Variants in ADAMTSL3 observed in about 807,000 individuals in gnomAD.
ADAMTSL3 encodes ADAMTS like 3, also known as ADAMTS-like protein 3.
In ADAMTSL3, 128 loss-of-function variants were observed where a neutral mutation model predicts 201.7. The ratio of observed to expected loss-of-function variants is 0.63; its 90% CI spans 0.55 to 0.73. The LOEUF is 0.73. ADAMTSL3 is among the 30% of genes least tolerant of loss of function. The probability of loss-of-function intolerance (pLI) is 0.00; values close to 1 mark genes in which losing one functional copy is unlikely to be tolerated. For missense variants in ADAMTSL3, 1,990 were observed against 2,119.6 expected (o/e 0.94, Z 1.20); for synonymous variants, 738 against 748.4 (o/e 0.99, Z 0.23).
In ADAMTSL3 at chr15:83,943,008, C is replaced by T; in HGVS notation, c.2416C>T (p.Pro806Ser). The part of the protein sequence containing the change: ...LNLSDELCQG[P>S]KASSHKSCAR... ...TCTCTCAGATGAATTGTGCCAAGGA[C>T]CCAAGGCATCGTCTCACAAGTCCTG... Residue 806 changes from proline to serine, a missense_variant, in exon 19 of 30, where the codon CCC becomes TCC. By Grantham distance (74) the Pro-to-Ser change is moderately conservative. Transcript: ENST00000286744. The T allele has an allele frequency of 6.2e-7, 1 of 1,614,088 alleles. No individual in the cohort carries two copies. Among genetic ancestry groups the T allele is most frequent in the African/African-American group, 1.3e-5 (1 of 75,044 alleles).
intron 15 of ADAMTSL3, among the ~76,000 whole-genome samples, chr15:83,912,634 C>A (rs1321830700): frequency 6.6e-6 from 1 of 152,084 alleles, no homozygotes; most frequent in Non-Finnish European, 1.5e-5. Context: ...ATTTAAGATA[C>A]CCTAAAATTT....
chr15:83,726,180 T>A (rs2062172385), intron 3 of ADAMTSL3, among the ~76,000 whole-genome samples: 1 of 152,128 alleles, frequency 6.6e-6, no homozygotes, highest in South Asian at 2.1e-4. Flanking sequence ...ACCGCTTTCT[T>A]GATTTCTTTT....
intron 15 of ADAMTSL3, among the ~76,000 whole-genome samples, chr15:83,911,935 T>G (rs1481357412): frequency 3.3e-5 from 5 of 152,236 alleles, no homozygotes; most frequent in Non-Finnish European, 7.3e-5. Flanking sequence ...ATGCACGTAA[T>G]ATTTCTCTCT....
At chr15:83,785,244 G>T (rs1334495674) in intron 4 of ADAMTSL3, among the ~76,000 whole-genome samples, 1 of 152,138 alleles carries the variant, frequency 6.6e-6, no homozygotes. Context: ...CCTGTCCATG[G>T]ACCACACTTC....
chr15:83,675,529 A>G (rs1240295859), intron 2 of ADAMTSL3, among the ~76,000 whole-genome samples: 1 of 150,098 alleles, frequency 6.7e-6, no homozygotes, highest in African/African-American at 2.4e-5. Flanking sequence ...CTATTTACTA[A>G]TATTTTGTTG....
chr15:83,975,034 C>T (rs572715048), intron 20 of ADAMTSL3, among the ~76,000 whole-genome samples: 5 of 133,182 alleles, frequency 3.8e-5, no homozygotes, highest in African/African-American at 8.6e-5. Flanking sequence ...GACGGAGTCT[C>T]GCTCTCGCCT....
At chr15:84,018,053 C>A (rs2068119844) in intron 25 of ADAMTSL3, among the ~76,000 whole-genome samples, 2 of 152,156 alleles carry the variant, frequency 1.3e-5, no homozygotes, top group Admixed American at 6.5e-5. Flanking sequence ...TTGCATGTGG[C>A]ATGGAACATG....
chr15:83,813,831 T>C (rs1412847089), intron 5 of ADAMTSL3, among the ~76,000 whole-genome samples: 1 of 152,176 alleles, frequency 6.6e-6, no homozygotes, highest in Non-Finnish European at 1.5e-5. Flanking sequence ...GAATTATCCT[T>C]ATCAGGGGTA....
intron 16 of ADAMTSL3, among the ~76,000 whole-genome samples, chr15:83,920,677 A>G (rs139387930): frequency 6.6e-6 from 1 of 152,348 alleles, no homozygotes; most frequent in East Asian, 1.9e-4. Context: ...TATATAATAT[A>G]GCATTATACG....
intron 3 of ADAMTSL3, among the ~76,000 whole-genome samples, chr15:83,741,951 G>A (rs1246921821): frequency 6.6e-6 from 1 of 152,090 alleles, no homozygotes; most frequent in African/African-American, 2.4e-5. Context: ...GACAGGGTGA[G>A]ACCCTGTCTC....
At chr15:83,663,612 C>A (rs573061582) in intron 2 of ADAMTSL3, among the ~76,000 whole-genome samples, 1 of 152,326 alleles carries the variant, frequency 6.6e-6, no homozygotes, top group Admixed American at 6.5e-5. Context: ...CACCCTGTTT[C>A]AGTTCTGTGT....
intron 8 of ADAMTSL3, among the ~76,000 whole-genome samples, chr15:83,868,964 C>G (rs1417141695): frequency 2.0e-5 from 3 of 152,164 alleles, no homozygotes; most frequent in African/African-American, 7.2e-5. Flanking sequence ...CAGATTTTTA[C>G]ACCCCTTGCC....
intron 15 of ADAMTSL3, among the ~76,000 whole-genome samples, chr15:83,903,981 A>G (rs190984486): frequency 1.1e-4 from 16 of 142,148 alleles, no homozygotes; most frequent in African/African-American, 4.3e-4. Flanking sequence ...AAGGAGCTAC[A>G]GTGAGGTTCA....
intron 23 of ADAMTSL3, among the ~76,000 whole-genome samples, chr15:84,001,151 A>G (rs565404502): frequency 2.2e-4 from 33 of 152,216 alleles, no homozygotes; most frequent in Non-Finnish European, 4.7e-4. Flanking sequence ...CGTTACATGT[A>G]TCTGATTTAT....
At chr15:84,007,956 G>A (rs182789944) in intron 23 of ADAMTSL3, among the ~76,000 whole-genome samples, 1 of 152,280 alleles carries the variant, frequency 6.6e-6, no homozygotes, top group Non-Finnish European at 1.5e-5. Context: ...TGCCTCAAGA[G>A]TAGTTTATAC....
At chr15:83,934,340 C>T (rs1051712452) in intron 17 of ADAMTSL3, among the ~76,000 whole-genome samples, 3 of 152,324 alleles carry the variant, frequency 2.0e-5, no homozygotes, top group African/African-American at 4.8e-5. Flanking sequence ...TGCATGGGCC[C>T]TGTAGCCCCT....
intron 17 of ADAMTSL3, among the ~76,000 whole-genome samples, chr15:83,939,397 TTTCTC>T (rs947026376): frequency 3.7e-4 from 57 of 152,286 alleles, no homozygotes; most frequent in African/African-American, 1.2e-3. Flanking sequence ...ACTATTCCGA[TTTCTC>T]TTCACTTGTG....
chr15:83,721,401 C>T (rs943049688), intron 3 of ADAMTSL3, among the ~76,000 whole-genome samples: 9 of 152,174 alleles, frequency 5.9e-5, no homozygotes, highest in Non-Finnish European at 7.4e-5. Flanking sequence ...TGTTGGACCT[C>T]ACAGTCACAT....
At chr15:84,002,202 A>G (rs1276102923) in intron 23 of ADAMTSL3, among the ~76,000 whole-genome samples, 1 of 152,202 alleles carries the variant, frequency 6.6e-6, no homozygotes, top group African/African-American at 2.4e-5. Context: ...TGGATATGCA[A>G]TACGAAAAAA....
Sources: allele counts gnomAD v4.1 joint callset (sites outside exome capture counted in the v4.1 genomes callset), GRCh38; gene constraint gnomAD v4.1.1; transcripts MANE v1.5; gene names NCBI Gene and HGNC (gene_info 2026-07-23, HGNC 2026-07-21).